DAB1: variants seen among roughly 807,000 people sequenced by gnomAD.
The protein encoded by DAB1 is disabled homolog 1.
In DAB1, 15 loss-of-function variants were observed where a neutral mutation model predicts 64.6. The observed-to-expected ratio is 0.23, with a 90% CI of 0.16 to 0.36. The LOEUF (loss-of-function observed/expected upper bound fraction) is 0.36, where lower values mean the gene tolerates loss of function less well. DAB1 is among the 10% of genes least tolerant of loss of function. The pLI is 1.00. For synonymous variants in DAB1, 235 were observed against 251.9 expected (o/e 0.93, Z 0.64); for missense variants, 596 against 706.7 (o/e 0.84, Z 1.78).
At chr1:58,329,594 T>C (rs1662923716) in intron 4 of DAB1, among the ~76,000 whole-genome samples, 1 of 152,242 alleles carries the variant, frequency 6.6e-6, no homozygotes, top group Admixed American at 6.5e-5. Context: ...TTTTTACAAA[T>C]TGAAAGTCTG....
chr1:58,517,275 A>G (rs1646172158), intron 2 of DAB1, among the ~76,000 whole-genome samples: 1 of 152,210 alleles, frequency 6.6e-6, no homozygotes, highest in African/African-American at 2.4e-5. Context: ...TTGCTAATAA[A>G]GAAGTTTCTG....
chr1:57,781,116 CTCTCTCTCTCTATATATA>C (rs1162840243), intron 6 of DAB1, among the ~76,000 whole-genome samples: 3 of 59,056 alleles, frequency 5.1e-5, no homozygotes, highest in Admixed American at 2.3e-4. Flanking sequence ...CTCTCTCTCT[CTCTCTCTCTCTATATATA>C]TATATATATA....
intron 3 of DAB1, among the ~76,000 whole-genome samples, chr1:58,367,597 T>A (rs1487058560): frequency 6.6e-6 from 1 of 152,172 alleles, no homozygotes; most frequent in Non-Finnish European, 1.5e-5. Flanking sequence ...AGCTACTTGG[T>A]GGCAAGTTAA....
intron 4 of DAB1, among the ~76,000 whole-genome samples, chr1:58,308,969 A>G (rs1278403660): frequency 6.6e-6 from 1 of 152,156 alleles, no homozygotes; most frequent in African/African-American, 2.4e-5. Context: ...CGCAACCTCA[A>G]AGAGTAGCTG....
chr1:58,105,570 A>G (rs1433140234), intron 5 of DAB1, among the ~76,000 whole-genome samples: 1 of 152,206 alleles, frequency 6.6e-6, no homozygotes, highest in Non-Finnish European at 1.5e-5. Context: ...AGTTCATCAA[A>G]ACATCTCTGT....
chr1:57,984,661 C>T (rs1276922496), intron 5 of DAB1, among the ~76,000 whole-genome samples: 2 of 152,214 alleles, frequency 1.3e-5, no homozygotes, highest in African/African-American at 4.8e-5. Context: ...GGCACCCCAA[C>T]ATGCAATTAG....
At chr1:57,733,142 G>T (rs1209194668) in intron 6 of DAB1, among the ~76,000 whole-genome samples, 1 of 152,034 alleles carries the variant, frequency 6.6e-6, no homozygotes, top group Non-Finnish European at 1.5e-5. Context: ...ATCAACCACT[G>T]AACTCAAATG....
chr1:57,482,438 G>A (rs1644033463), intron 7 of DAB1, among the ~76,000 whole-genome samples: 1 of 95,550 alleles, frequency 1.0e-5, no homozygotes, highest in South Asian at 3.4e-4. Flanking sequence ...TGAAGAAACA[G>A]CTAAAAATAA....
intron 4 of DAB1, among the ~76,000 whole-genome samples, chr1:57,121,130 G>A (rs1380314937): frequency 1.5e-5 from 2 of 131,074 alleles, no homozygotes; most frequent in Admixed American, 8.0e-5. Flanking sequence ...AGAAGAAGAA[G>A]AGAAGAAGAA....
At chr1:58,095,602 C>G (rs1422462150) in intron 5 of DAB1, among the ~76,000 whole-genome samples, 1 of 152,204 alleles carries the variant, frequency 6.6e-6, no homozygotes, top group Non-Finnish European at 1.5e-5. Context: ...CACTCTCAGA[C>G]TCCATAACAA....
At chr1:57,056,945 A>G (rs1474015860) in intron 9 of DAB1, among the ~76,000 whole-genome samples, 1 of 152,232 alleles carries the variant, frequency 6.6e-6, no homozygotes. Flanking sequence ...AAGACAGAAA[A>G]TAACATTTTA....
chr1:57,802,034 T>C (rs775649291), intron 6 of DAB1, among the ~76,000 whole-genome samples: 2 of 152,200 alleles, frequency 1.3e-5, no homozygotes, highest in African/African-American at 2.4e-5. Context: ...AAGATCCAGA[T>C]TGGAATAGGT....
Position 58,218,970 on chromosome 1 carries a change from T to C in DAB1, n.310-68382A>G, listed in dbSNP as rs533400902. 6.2e-5 allele frequency among the ~76,000 whole-genome samples: 9 copies of C among 144,058 alleles called. No homozygotes were observed. The South Asian group carries it at 2.0e-3, about 33-fold the overall frequency. 94.5% of individuals were successfully genotyped at this position (144,058 alleles called of 152,430 possible). ...CTCCATGTGGTTTTCTAAGGAGTAA[T>C]CCCCCATAATTCTGGCCATTCTCTC... On this transcript the variant is annotated intron_variant and non_coding_transcript_variant, in intron 4 of 20. Transcript: ENST00000485760.
intron 5 of DAB1, among the ~76,000 whole-genome samples, chr1:58,056,880 T>TCTTG (rs2100542332): frequency 6.6e-6 from 1 of 152,112 alleles, no homozygotes; most frequent in Admixed American, 6.5e-5. Flanking sequence ...GACTTCCTAG[T>TCTTG]CTTGGTTCCA....
At chr1:57,660,405 G>T (rs898657701) in intron 6 of DAB1, among the ~76,000 whole-genome samples, 1 of 152,152 alleles carries the variant, frequency 6.6e-6, no homozygotes, top group African/African-American at 2.4e-5. Flanking sequence ...CCAGGCACAG[G>T]TTGCTCTCAG....
chr1:57,183,148 G>A (rs1663159191), intron 2 of DAB1, among the ~76,000 whole-genome samples: 1 of 152,102 alleles, frequency 6.6e-6, no homozygotes. Context: ...AGAATGAAGA[G>A]GGAGTGAGGG....
At chr1:57,058,009 AC>A (rs1334960761) in intron 9 of DAB1, among the ~76,000 whole-genome samples, 1 of 152,156 alleles carries the variant, frequency 6.6e-6, no homozygotes, top group Non-Finnish European at 1.5e-5. Context: ...AACACTTTCC[AC>A]AGGGCCCCAG....
intron 5 of DAB1, among the ~76,000 whole-genome samples, chr1:57,986,767 C>T (rs1195310477): frequency 6.6e-6 from 1 of 152,224 alleles, no homozygotes; most frequent in Non-Finnish European, 1.5e-5. Context: ...CTCTCCATGA[C>T]TCTCCACAGA....
chr1:57,162,863 A>G (rs1022495330), intron 2 of DAB1, among the ~76,000 whole-genome samples: 3 of 152,238 alleles, frequency 2.0e-5, no homozygotes, highest in Non-Finnish European at 2.9e-5. Flanking sequence ...TTTACTGAGA[A>G]GGCTGCAATA....
Sources: allele counts gnomAD v4.1 joint callset (sites outside exome capture counted in the v4.1 genomes callset), GRCh38; gene constraint gnomAD v4.1.1; transcripts MANE v1.5; gene names NCBI Gene and HGNC (gene_info 2026-07-23, HGNC 2026-07-21).